SMAP1: variants seen among roughly 807,000 people sequenced by gnomAD.
SMAP1 encodes the protein small ArfGAP 1, also known as stromal membrane-associated protein 1.
In SMAP1, 24 loss-of-function variants were observed where a neutral mutation model predicts 58.5. That is an observed-to-expected ratio of 0.41 (90% CI 0.30 to 0.58). SMAP1 has a LOEUF of 0.58. Ranked by LOEUF, SMAP1 falls within the 20% of genes least tolerant of loss-of-function variation. The pLI, the probability that SMAP1 is intolerant of heterozygous loss-of-function variation, is 0.29. For missense variants in SMAP1, 563 were observed against 566.3 expected, an observed-to-expected ratio of 0.99 and a Z score of 0.06; for synonymous variants, 216 against 196.6, an observed-to-expected ratio of 1.10 and a Z score of -0.82.
chr6:70,746,944 CT>C (rs1398606621), intron 2 of SMAP1, among the ~76,000 whole-genome samples: 1 of 152,108 alleles, frequency 6.6e-6, no homozygotes, highest in Non-Finnish European at 1.5e-5. Flanking sequence ...TTAAGTCCCC[CT>C]ATAGAGTACA....
intron 2 of SMAP1, among the ~76,000 whole-genome samples, chr6:70,744,869 C>G (rs1471473411): frequency 2.6e-5 from 4 of 152,318 alleles, no homozygotes; most frequent in Non-Finnish European, 5.9e-5. Flanking sequence ...GCCATTCTAA[C>G]TGGTGTGAGA....
At chr6:70,723,656 C>G (rs538973810) in intron 1 of SMAP1, among the ~76,000 whole-genome samples, 1 of 152,154 alleles carries the variant, frequency 6.6e-6, no homozygotes, top group African/African-American at 2.4e-5. Flanking sequence ...AGTATAAGTT[C>G]CATGATGGCT....
At chr6:70,847,686 C>T (rs1435046131) in intron 7 of SMAP1, among the ~76,000 whole-genome samples, 2 of 152,134 alleles carry the variant, frequency 1.3e-5, no homozygotes, top group Non-Finnish European at 2.9e-5. Flanking sequence ...TTTTCTTGTA[C>T]TCTGGATCTC....
At chr6:70,767,064 C>A (rs1309190514) in intron 3 of SMAP1, among the ~76,000 whole-genome samples, 1 of 150,996 alleles carries the variant, frequency 6.6e-6, no homozygotes, top group Non-Finnish European at 1.5e-5. Flanking sequence ...TGTAGATATG[C>A]GGCGTTATTT....
intron 1 of SMAP1, among the ~76,000 whole-genome samples, chr6:70,714,597 G>T (rs148449986): frequency 5.7e-4 from 87 of 151,326 alleles, no homozygotes; most frequent in African/African-American, 1.9e-3. Flanking sequence ...TTTAGGTTTT[G>T]TACTGGGATT....
At chr6:70,717,701 G>A (rs928158787) in intron 1 of SMAP1, among the ~76,000 whole-genome samples, 4 of 152,170 alleles carry the variant, frequency 2.6e-5, no homozygotes, top group Non-Finnish European at 4.4e-5. Flanking sequence ...TCTTGCTGAT[G>A]TCACTGCTAA....
intron 6 of SMAP1, among the ~76,000 whole-genome samples, chr6:70,830,828 CAAAG>C: frequency 6.6e-6 from 1 of 152,256 alleles, no homozygotes. Flanking sequence ...TAAAGAAAGA[CAAAG>C]AGAATCAAAT....
chr6:70,781,910 G>C (rs1485346730), intron 4 of SMAP1, among the ~76,000 whole-genome samples: 1 of 152,124 alleles, frequency 6.6e-6, no homozygotes, highest in African/African-American at 2.4e-5. Flanking sequence ...CGGTTACTTT[G>C]ATGGTGGCCT....
intron 4 of SMAP1, among the ~76,000 whole-genome samples, chr6:70,774,145 T>C (rs117414930): frequency 0.023 from 3,574 of 152,282 alleles, 52 homozygotes; most frequent in Non-Finnish European, 0.037. Flanking sequence ...ATGTAGTAGG[T>C]TGTACCATCT....
At chr6:70,724,783 G>A (rs1033028414) in intron 1 of SMAP1, among the ~76,000 whole-genome samples, 6 of 152,058 alleles carry the variant, frequency 3.9e-5, no homozygotes, top group Non-Finnish European at 7.4e-5. Flanking sequence ...CTAGGTCATA[G>A]CAAAATATGT....
chr6:70,770,561 T>G (rs1767239049), intron 3 of SMAP1, among the ~76,000 whole-genome samples: 1 of 152,242 alleles, frequency 6.6e-6, no homozygotes, highest in Non-Finnish European at 1.5e-5. Context: ...GGTTTGTGCA[T>G]TCTTCATGTA....
chr6:70,759,880 T>C (rs745974629), intron 3 of SMAP1: 2 of 450,412 alleles, frequency 4.4e-6, no homozygotes, highest in Non-Finnish European at 8.9e-6. Flanking sequence ...GCTTAATAAG[T>C]GTTTGCCCTA....
intron 5 of SMAP1, among the ~76,000 whole-genome samples, chr6:70,795,665 A>C (rs1768574252): frequency 6.6e-6 from 1 of 152,208 alleles, no homozygotes; most frequent in African/African-American, 2.4e-5. Flanking sequence ...GGTGGACACA[A>C]ACATTCAAAC....
At position 70,764,590 on chromosome 6, in the gene SMAP1, C is replaced by G. The variant is rs190774602; in HGVS notation, c.339-8760C>G. On this transcript the variant is annotated intron_variant, in intron 3 of 10. Transcript: ENST00000370455. ...CAACAGAGCCTGGGTGACAGCACATCTGTTTACAGCATGGTTTACTGAATA... is the reference window on the plus strand; with the variant it reads ...CAACAGAGCCTGGGTGACAGCACATGTGTTTACAGCATGGTTTACTGAATA... Among the ~76,000 whole-genome samples, 67 of 152,332 alleles carry G rather than the reference C, an allele frequency of 4.4e-4. No individual in the cohort carries two copies. In the Middle Eastern group the frequency reaches 0.01, roughly 23 times the overall value.
chr6:70,749,426 G>A (rs929252515), intron 2 of SMAP1, among the ~76,000 whole-genome samples: 4 of 152,152 alleles, frequency 2.6e-5, no homozygotes, highest in African/African-American at 7.2e-5. Flanking sequence ...TCTTCCTCCA[G>A]ATTAAAACAT....
chr6:70,857,756 G>A, intron 9 of SMAP1, 166 bp from the exon 10 acceptor site: 1 of 632,780 alleles, frequency 1.6e-6, no homozygotes, highest in Admixed American at 3.0e-5. Flanking sequence ...GAAACAACCA[G>A]CTCTCAGGGT....
chr6:70,713,043 T>G (rs971574805), intron 1 of SMAP1, among the ~76,000 whole-genome samples: 5 of 152,154 alleles, frequency 3.3e-5, no homozygotes, highest in Non-Finnish European at 5.9e-5. Flanking sequence ...TCCACCCACC[T>G]CGGCCTCCCA....
At chr6:70,724,688 A>G (rs927768429) in intron 1 of SMAP1, among the ~76,000 whole-genome samples, 37 of 152,176 alleles carry the variant, frequency 2.4e-4, no homozygotes, top group African/African-American at 8.0e-4. Flanking sequence ...CTAGTTGTAA[A>G]ATGTTATACC....
intron 3 of SMAP1, among the ~76,000 whole-genome samples, chr6:70,765,564 A>G (rs182653029): frequency 2.5e-4 from 38 of 152,304 alleles, no homozygotes; most frequent in Non-Finnish European, 5.0e-4. Flanking sequence ...ATGTTTGTAA[A>G]GCAAAAATTG....
Sources: gnomAD v4.1 joint callset for allele counts (sites outside exome capture counted in the v4.1 genomes callset) on GRCh38, gnomAD v4.1.1 for gene constraint, MANE v1.5 for transcripts, NCBI Gene and HGNC (gene_info 2026-07-23, HGNC 2026-07-21) for gene names.